IQUB: variants seen among roughly 807,000 people sequenced by gnomAD.
IQUB encodes IQ motif and ubiquitin domain containing.
A neutral mutation model predicts 86.4 loss-of-function variants in IQUB; 86 were observed. That is an observed-to-expected ratio of 1.00 (90% confidence interval 0.84 to 1.19). The LOEUF (loss-of-function observed/expected upper bound fraction) is 1.19. Among genes scored for constraint, IQUB ranks in the 50% most tolerant of loss-of-function variants. The pLI, the probability that IQUB is intolerant of heterozygous loss-of-function variation, is 0.00. For synonymous variants in IQUB, 289 were observed against 304.5 expected (o/e 0.95, Z 0.53); for missense variants, 946 against 916.9 (o/e 1.03, Z -0.41).
intron 1 of IQUB, among the ~76,000 whole-genome samples, chr7:123,517,834 C>T (rs1361082609): frequency 2.6e-5 from 4 of 152,160 alleles, no homozygotes; most frequent in Non-Finnish European, 4.4e-5. Flanking sequence ...TGCTTGCTCA[C>T]CTATGCCCTG....
At chr7:123,517,183 G>A (rs929210901) in intron 1 of IQUB, among the ~76,000 whole-genome samples, 2 of 152,016 alleles carry the variant, frequency 1.3e-5, no homozygotes, top group African/African-American at 2.4e-5. Context: ...TGCCTTGGGG[G>A]AATATATCAT....
intron 3 of IQUB, among the ~76,000 whole-genome samples, chr7:123,508,753 T>C (rs1032217852): frequency 2.0e-5 from 3 of 152,222 alleles, no homozygotes; most frequent in Admixed American, 1.3e-4. Context: ...TACATTTAAG[T>C]TCAGACTCTG....
At chr7:123,510,871 A>C (rs1796385354) in intron 2 of IQUB, among the ~76,000 whole-genome samples, 1 of 152,170 alleles carries the variant, frequency 6.6e-6, no homozygotes, top group South Asian at 2.1e-4. Context: ...ATAAATTTTA[A>C]AACTTTCATA....
At chr7:123,462,855 T>TAACTC in intron 10 of IQUB, 1 of 455,088 alleles carries the variant, frequency 2.2e-6, no homozygotes, top group East Asian at 7.0e-5. Flanking sequence ...AAGAAAAAAA[T>TAACTC]AACTCATTCT....
At chr7:123,514,988 G>T (rs1796578221) in intron 1 of IQUB, among the ~76,000 whole-genome samples, 1 of 151,996 alleles carries the variant, frequency 6.6e-6, no homozygotes, top group Admixed American at 6.6e-5. Context: ...CAGAAACATA[G>T]TTTTTAAATT....
Position 123,524,709 on chromosome 7 carries a change from T to C in IQUB, c.-5+9783A>G, listed in dbSNP as rs1032558878. On this transcript the variant is annotated intron_variant, in intron 1 of 12. Coordinates refer to ENST00000324698, the MANE Select transcript of IQUB (RefSeq NM_178827.5). The stretch of plus-strand genomic sequence containing the variant: ...GCCTTTATTTCCTTCTCCTGCCTAA[T>C]TGCCCTGGCCAGAACTTCCAACACT... Among the ~76,000 whole-genome samples the C allele has an allele frequency of 1.2e-3, 187 of 150,334 alleles. 1 individual carries two copies. Among genetic ancestry groups the C allele is most frequent in the African/African-American group, 4.2e-3 (172 of 40,818 alleles).
At chr7:123,481,845 C>A (rs554070930) in intron 7 of IQUB, among the ~76,000 whole-genome samples, 2 of 151,896 alleles carry the variant, frequency 1.3e-5, no homozygotes, top group East Asian at 3.9e-4. Flanking sequence ...TTAAATAGTG[C>A]AGAAAGCAAG....
intron 7 of IQUB, among the ~76,000 whole-genome samples, chr7:123,488,384 A>G (rs558748099): frequency 6.6e-6 from 1 of 151,888 alleles, no homozygotes; most frequent in Non-Finnish European, 1.5e-5. Context: ...AGCTCACAAG[A>G]AAGTACAGTA....
At chr7:123,466,710 A>C (rs751316815) in intron 9 of IQUB, among the ~76,000 whole-genome samples, 3 of 152,198 alleles carry the variant, frequency 2.0e-5, no homozygotes, top group Non-Finnish European at 4.4e-5. Flanking sequence ...ACAGGGTATC[A>C]AAATGTTATG....
chr7:123,468,830 A>G (rs922433772), intron 9 of IQUB, among the ~76,000 whole-genome samples: 1 of 152,224 alleles, frequency 6.6e-6, no homozygotes, highest in African/African-American at 2.4e-5. Flanking sequence ...TAAAAGTAGG[A>G]TTAAGAACAC....
rs371695002 is a variant in IQUB, at chr7:123,523,459, T to G, written c.-5+11033A>C. On this transcript the variant is annotated intron_variant, in intron 1 of 12. Transcript: ENST00000324698. ...TGCATTTCTCTGATGGCCAGTGATG[T>G]TGAGCATTTTTTCATGTGTTTTTTG... is the stretch of plus-strand genomic sequence containing the variant. 1.6e-3 allele frequency among the ~76,000 whole-genome samples: 240 copies of G among 152,034 alleles called. 1 individual carries two copies. The highest frequency in any genetic ancestry group is 2.0e-3 in the African/African-American group (84 of 41,476).
At chr7:123,480,418 G>C (rs1794954260) in intron 7 of IQUB, among the ~76,000 whole-genome samples, 1 of 152,106 alleles carries the variant, frequency 6.6e-6, no homozygotes, top group South Asian at 2.1e-4. Flanking sequence ...TCTCATCAAT[G>C]ACCAAGCACC....
At chr7:123,477,283 G>C (rs191562124) in intron 8 of IQUB, among the ~76,000 whole-genome samples, 1 of 151,876 alleles carries the variant, frequency 6.6e-6, no homozygotes, top group Admixed American at 6.6e-5. Flanking sequence ...GAAATAACAC[G>C]ACACATCCAC....
At position 123,496,779 on chromosome 7, in the gene IQUB, T is replaced by G; in HGVS notation, c.1151A>C (p.Glu384Ala). 6.2e-7 allele frequency: 1 copy of G among 1,612,062 alleles called. No individual in the cohort carries two copies. Among genetic ancestry groups the G allele is most frequent in the Non-Finnish European group, 8.5e-7 (1 of 1,178,634 alleles). The change falls in exon 7 of 13, where the codon GAA becomes GCA. Residue 384 changes from glutamate (E) to alanine (A), a missense_variant. Glu to Ala is a moderately radical substitution (Grantham distance 107). Transcript: ENST00000324698. Reference sequence around the variant, plus strand: ...GTGATAGTCCAATTTTATCCATTCTTCTTTTTCTCTTATCTTCCTTAGTTC... The same window carrying G: ...GTGATAGTCCAATTTTATCCATTCTGCTTTTTCTCTTATCTTCCTTAGTTC... Reference protein sequence around the residue: ...QQELRKIREKEEWIKLDYHRR... With the variant: ...QQELRKIREKAEWIKLDYHRR...
intron 1 of IQUB, among the ~76,000 whole-genome samples, chr7:123,525,586 C>A (rs1414113305): frequency 1.3e-5 from 2 of 152,030 alleles, no homozygotes; most frequent in African/African-American, 4.8e-5. Flanking sequence ...TTTGATTCTT[C>A]TCTCTTTTTT....
chr7:123,503,451 A>T, intron 3 of IQUB, 88 bp from the exon 4 acceptor site: 1 of 719,786 alleles, frequency 1.4e-6, no homozygotes, highest in Non-Finnish European at 2.3e-6. Flanking sequence ...TTGACAAATA[A>T]AAATTGTATA....
chr7:123,478,592 C>T (rs919789766), intron 8 of IQUB, among the ~76,000 whole-genome samples: 1 of 151,854 alleles, frequency 6.6e-6, no homozygotes, highest in Non-Finnish European at 1.5e-5. Context: ...ACAATGTATG[C>T]TAAAGCAGAG....
chr7:123,533,920 T>C (rs1361674098), intron 1 of IQUB, among the ~76,000 whole-genome samples: 2 of 152,210 alleles, frequency 1.3e-5, no homozygotes, highest in Non-Finnish European at 2.9e-5. Flanking sequence ...TACAAAAAAG[T>C]CTCCCTTTTC....
chr7:123,452,218 A>C lies in IQUB; in HGVS notation c.*525T>G, dbSNP rs1196669993. Among the ~76,000 whole-genome samples the C allele has an allele frequency of 6.6e-6, 1 of 152,142 alleles. No homozygotes were observed. Among genetic ancestry groups the C allele is most frequent in the African/African-American group, 2.4e-5 (1 of 41,422 alleles). On this transcript the variant is annotated 3_prime_UTR_variant, in exon 13 of 13. Transcript: ENST00000324698. Reference sequence around the variant, plus strand: ...TAGTTTCAAGTGTTGTTTTATTGGGATTATGAGAAGGATGGAAGGTGAAAG... The same window carrying C: ...TAGTTTCAAGTGTTGTTTTATTGGGCTTATGAGAAGGATGGAAGGTGAAAG...
Sources: allele counts gnomAD v4.1 joint callset (sites outside exome capture counted in the v4.1 genomes callset), GRCh38; gene constraint gnomAD v4.1.1; transcripts MANE v1.5; gene names NCBI Gene and HGNC (gene_info 2026-07-23, HGNC 2026-07-21).